Variants in CHRNA9 observed in about 807,000 individuals in gnomAD.
CHRNA9 encodes the protein neuronal acetylcholine receptor subunit alpha-9.
In CHRNA9, 24 loss-of-function variants were observed where a neutral mutation model predicts 36.8. The ratio of observed to expected loss-of-function variants is 0.65; its 90% CI spans 0.47 to 0.92. The LOEUF is 0.92. CHRNA9 is among the 40% of genes least tolerant of loss of function. CHRNA9 has a pLI of 0.00. For synonymous variants in CHRNA9, 231 were observed against 231.8 expected (o/e 1.00, Z 0.03); for missense variants, 610 against 601.2 (o/e 1.01, Z -0.15).
intron 3 of CHRNA9, among the ~76,000 whole-genome samples, chr4:40,345,548 C>T (rs1019969818): frequency 4.0e-5 from 6 of 151,838 alleles, no homozygotes; most frequent in Non-Finnish European, 7.4e-5. Flanking sequence ...ACTGTTTCTA[C>T]TAAAAATACA....
chr4:40,351,365 AG>A (rs1398079051), intron 4 of CHRNA9, among the ~76,000 whole-genome samples: 1 of 151,376 alleles, frequency 6.6e-6, no homozygotes, highest in Non-Finnish European at 1.5e-5. Flanking sequence ...TAAGAAAGAT[AG>A]GGTCTCACTA....
At chr4:40,341,278 T>TTTTTTTGTTTTTTG (rs59549866) in intron 3 of CHRNA9, among the ~76,000 whole-genome samples, 21,315 of 151,942 alleles carry the variant, frequency 0.14, 1,545 homozygotes, top group African/African-American at 0.16. Flanking sequence ...GGTCAGGTTT[T>TTTTTTTGTTTTTTG]TTTTTTTGTT....
chr4:40,337,750 G>A (rs1025943133), intron 3 of CHRNA9, among the ~76,000 whole-genome samples: 1 of 152,202 alleles, frequency 6.6e-6, no homozygotes, highest in African/African-American at 2.4e-5. Context: ...GGCTGTGAGG[G>A]AGGATCTGTA....
At chr4:40,346,066 T>C (rs1712630140) in intron 3 of CHRNA9, among the ~76,000 whole-genome samples, 1 of 152,146 alleles carries the variant, frequency 6.6e-6, no homozygotes, top group African/African-American at 2.4e-5. Flanking sequence ...ACCCACAACC[T>C]ACTCCAAAGC....
At chr4:40,336,094 T>A in intron 2 of CHRNA9, 122 bp downstream of exon 2, 1 of 812,616 alleles carries the variant, frequency 1.2e-6, no homozygotes, top group Admixed American at 2.4e-5. Context: ...AGCAAGCTGG[T>A]GGGAGAAGAG....
chr4:40,353,618 G>A (rs77874360), intron 4 of CHRNA9, among the ~76,000 whole-genome samples: 1,689 of 152,264 alleles, frequency 0.011, 24 homozygotes, highest in African/African-American at 0.038. Flanking sequence ...ATGACAGACC[G>A]TGTATACAAC....
chr4:40,336,001 GA>G, intron 2 of CHRNA9, 29 bp downstream of exon 2: 1 of 1,589,732 alleles, frequency 6.3e-7, no homozygotes, highest in Non-Finnish European at 8.6e-7. Context: ...TGACTCTGTG[GA>G]ATGATTCTTA....
rs143447364 is a variant in CHRNA9, at chr4:40,354,436, G to A, written c.1356G>A (p.Ala452=). ...NSKGSEWKKV[A]KVIDRFFMWI... is the part of the protein sequence containing the mutation. ...AGGGGAGTGAATGGAAGAAGGTGGC[G>A]AAAGTCATAGACCGATTCTTCATGT... Residue 452 remains alanine, a synonymous_variant, in exon 5 of 5, where the codon GCG becomes GCA. Transcript: ENST00000310169. The A allele has an allele frequency of 6.8e-6, 11 of 1,613,956 alleles. No homozygotes were observed. Among genetic ancestry groups the A allele is most frequent in the African/African-American group, 5.3e-5 (4 of 74,892 alleles).
At chr4:40,348,158 A>G (rs1280432117) in intron 3 of CHRNA9, 1 of 152,276 alleles carries the variant, frequency 6.6e-6, no homozygotes, top group Non-Finnish European at 1.5e-5. Flanking sequence ...AATCTGTTGG[A>G]CCAAGCCTGG....
chr4:40,354,135 A>C lies in CHRNA9; in HGVS notation c.1055A>C (p.Tyr352Ser). 1 of 1,614,156 alleles carries C rather than the reference A, an allele frequency of 6.2e-7. No individual in the cohort carries two copies. The highest frequency in any genetic ancestry group is 1.1e-5 in the South Asian group (1 of 91,082). Residue 352 changes from tyrosine to serine, a missense_variant, in exon 5 of 5, where the codon TAT becomes TCT. Transcript: ENST00000310169. Reference sequence around the variant, plus strand: ...TACATGTCCAGGGTCTTGTTTGTCTATGATGTGGGTGAAAGCTGCCTCAGC... The same window carrying C: ...TACATGTCCAGGGTCTTGTTTGTCTCTGATGTGGGTGAAAGCTGCCTCAGC... ...LKYMSRVLFV[Y>S]DVGESCLSPH...
intron 4 of CHRNA9, among the ~76,000 whole-genome samples, chr4:40,351,159 G>A (rs1210801861): frequency 6.6e-6 from 1 of 150,746 alleles, no homozygotes; most frequent in African/African-American, 2.4e-5. Flanking sequence ...CCAACATGGT[G>A]AGACCCCATC....
intron 2 of CHRNA9, 41 bp from the exon 3 acceptor site, chr4:40,337,169 A>T: frequency 6.3e-7 from 1 of 1,594,928 alleles, no homozygotes; most frequent in Non-Finnish European, 8.6e-7. Context: ...AAACATTTCA[A>T]GTGTCTGCTA....
Position 40,355,179 on chromosome 4 carries a change from C to T in CHRNA9, c.*659C>T, listed in dbSNP as rs1169038085. ...TTAAAATATGATAGATGAAGCTGTTCCTGCATTTAGTCTTGTATTAAAATA... is the reference window on the plus strand; with the variant it reads ...TTAAAATATGATAGATGAAGCTGTTTCTGCATTTAGTCTTGTATTAAAATA... On this transcript the variant is annotated 3_prime_UTR_variant, in exon 5 of 5. Transcript: ENST00000310169. The T allele has an allele frequency of 6.6e-6, 1 of 152,196 alleles. No individual in the cohort carries two copies. Among genetic ancestry groups the T allele is most frequent in the African/African-American group, 2.4e-5 (1 of 41,446 alleles). The allele number at this position is 152,196 out of a possible 1,614,324, so 9.4% of individuals were successfully genotyped here. A position where few individuals can be genotyped will look rare whatever the true frequency, so the allele number is the denominator to read the frequency against.
intron 3 of CHRNA9, among the ~76,000 whole-genome samples, chr4:40,339,298 AAAAG>A (rs1448074504): frequency 7.5e-6 from 1 of 133,182 alleles, no homozygotes; most frequent in Admixed American, 7.9e-5. Context: ...AAAAAAAAAA[AAAAG>A]AAAGAAAAAA....
intron 3 of CHRNA9, among the ~76,000 whole-genome samples, chr4:40,345,330 T>C (rs1362808347): frequency 6.6e-6 from 1 of 151,956 alleles, no homozygotes; most frequent in Non-Finnish European, 1.5e-5. Flanking sequence ...GGTAGGAGGA[T>C]CGTATGAGGC....
chr4:40,348,629 G>A (rs1289751965), intron 3 of CHRNA9, among the ~76,000 whole-genome samples: 2 of 152,206 alleles, frequency 1.3e-5, no homozygotes, highest in Admixed American at 6.5e-5. Flanking sequence ...GTGACACTGG[G>A]AATGGACAGG....
intron 4 of CHRNA9, among the ~76,000 whole-genome samples, chr4:40,353,738 T>C (rs1205664072): frequency 6.6e-6 from 1 of 152,204 alleles, no homozygotes; most frequent in Non-Finnish European, 1.5e-5. Flanking sequence ...CGGTATTCAA[T>C]ACAGTAACAT....
intron 4 of CHRNA9, among the ~76,000 whole-genome samples, chr4:40,352,902 T>C (rs1413661015): frequency 1.3e-5 from 2 of 152,238 alleles, no homozygotes; most frequent in African/African-American, 4.8e-5. Context: ...TGTTTGTTCG[T>C]TGAGTGTGGA....
intron 3 of CHRNA9, 117 bp from the exon 4 acceptor site, chr4:40,348,765 C>G: frequency 4.1e-6 from 4 of 964,506 alleles, no homozygotes; most frequent in Non-Finnish European, 4.7e-6. Context: ...CAGTGACAGG[C>G]AAAATGGTGG....
Sources: gnomAD v4.1 joint callset for allele counts (sites outside exome capture counted in the v4.1 genomes callset) on GRCh38, gnomAD v4.1.1 for gene constraint, MANE v1.5 for transcripts, NCBI Gene and HGNC (gene_info 2026-07-23, HGNC 2026-07-21) for gene names.